ELOA2: variants seen among roughly 807,000 people sequenced by gnomAD.
The protein encoded by ELOA2 is elongin-A2.
For missense variants in ELOA2, 1,271 were observed against 979.7 expected, an observed-to-expected ratio of 1.30 and a Z score of -3.97; for synonymous variants, 497 against 398.8, an observed-to-expected ratio of 1.25 and a Z score of -2.94.
rs1445483392 is a variant in ELOA2 at position 47,035,419 on chromosome 18, C to G, written c.-155G>C. On this transcript the variant is annotated 5_prime_UTR_variant, in exon 1 of 1. Coordinates refer to ENST00000332567, the MANE Select transcript of ELOA2 (RefSeq NM_016427.3). ...CACAGCCTGGAGCGAGCTGGGTCCT[C>G]GGAGCAGCAGGCCACTTGGTCTGGA... 5.5e-6 allele frequency: 8 copies of G among 1,458,680 alleles called. No individual in the cohort carries two copies. The East Asian group carries it at 9.9e-5, about 18-fold the overall frequency. The allele number at this position is 1,458,680 out of a possible 1,614,324, so 90.4% of individuals were successfully genotyped here. A position where few individuals can be genotyped will look rare whatever the true frequency, so the allele number is the denominator to read the frequency against.
chr18:47,035,171 G>A, the ELOA2 span: 7 of 1,612,238 alleles, frequency 4.3e-6, no homozygotes, highest in Non-Finnish European at 5.9e-6. Flanking sequence ...GAGAGTTTCT[G>A]CAAATATTTC....
Position 47,033,717 on chromosome 18 carries a change from C to G in ELOA2, c.1548G>C (p.Ser516=). The change falls in exon 1 of 1, where the codon TCG becomes TCC. Residue 516 remains serine (S), a synonymous_variant. Coordinates refer to ENST00000332567, the MANE Select transcript of ELOA2 (RefSeq NM_016427.3). ...GGAGCTGGCAGGCAGGCCTGGAGCC[C>G]GAGTACACCGGCATCTTAGCATTCA... The part of the protein sequence containing the change: ...RRVNAKMPVY[S]GSRPACQLQV... The G allele has an allele frequency of 1.2e-6, 2 of 1,614,192 alleles. No homozygotes were observed. Among genetic ancestry groups the G allele is most frequent in the Non-Finnish European group, 1.7e-6 (2 of 1,180,032 alleles).
Position 47,033,083 on chromosome 18 carries a change from G to A in ELOA2, c.2182C>T (p.Arg728Trp), listed in dbSNP as rs768643242. 2.5e-6 allele frequency: 4 copies of A among 1,614,100 alleles called. No homozygotes were observed. In the East Asian group the frequency reaches 6.7e-5, roughly 27 times the overall value. Reference protein sequence around the residue: ...NEHAAPAAKTRKQAAKKVAPL... With the variant: ...NEHAAPAAKTWKQAAKKVAPL... Reference sequence around the variant, plus strand: ...GCCACTTTCTTGGCAGCCTGTTTCCGGGTTTTGGCCGCGGGCGCCGCGTGC... The same window carrying A: ...GCCACTTTCTTGGCAGCCTGTTTCCAGGTTTTGGCCGCGGGCGCCGCGTGC... Residue 728 changes from arginine to tryptophan, a missense_variant, in exon 1 of 1, where the codon CGG (arginine) becomes TGG (tryptophan). Physicochemically the swap from Arg to Trp is moderately radical, Grantham distance 101. Coordinates refer to ENST00000332567, the MANE Select transcript of ELOA2 (RefSeq NM_016427.3).
chr18:47,035,336 T>C lies in ELOA2; in HGVS notation c.-72A>G, dbSNP rs1200333365. 1 of 1,605,284 alleles carries C rather than the reference T, an allele frequency of 6.2e-7. No individual in the cohort carries two copies. The highest frequency in any genetic ancestry group is 8.5e-7 in the Non-Finnish European group (1 of 1,175,546). On this transcript the variant is annotated 5_prime_UTR_variant, in exon 1 of 1. Coordinates refer to ENST00000332567, the MANE Select transcript of ELOA2 (RefSeq NM_016427.3). ...GTCTTTGGGGCTGCGGGACAGGAAGTCTGGGGTGGCCGGTCCTCGCTGCCC... is the reference window on the plus strand; with the variant it reads ...GTCTTTGGGGCTGCGGGACAGGAAGCCTGGGGTGGCCGGTCCTCGCTGCCC...
At position 47,034,571 on chromosome 18, in the gene ELOA2, G is replaced by T; in HGVS notation, c.694C>A (p.Gln232Lys). 3.1e-6 allele frequency: 5 copies of T among 1,614,182 alleles called. No individual in the cohort carries two copies. The highest frequency in any genetic ancestry group is 3.4e-6 in the Non-Finnish European group (4 of 1,180,002). ...SHSKGHKSSR[Q>K]EKRPLCAQGD... ...TGGGCACACAAGGGGCGTTTTTCCT[G>T]GCGAGACGATTTGTGCCCCTTGCTG... The change falls in exon 1 of 1, where the codon CAG (glutamine) becomes AAG (lysine). Residue 232 changes from glutamine to lysine, a missense_variant. Transcript: ENST00000332567.
In ELOA2 at chr18:47,035,056, G is replaced by A. The variant is rs776332110; in HGVS notation, c.209C>T (p.Ala70Val). ...GAGCACCAGCTTCTTCCACCGGGCC[G>A]CTAAGTCTCTGGCAAAGTCGCCCAC... ...QHVGDFARDLAARWKKLVLVD... is the reference protein window; with the variant it reads ...QHVGDFARDLVARWKKLVLVD... The change falls in exon 1 of 1, where the codon GCG becomes GTG. Residue 70 changes from alanine to valine, a missense_variant. Ala to Val is a moderately conservative substitution (Grantham distance 64). Transcript: ENST00000332567. 2 of 1,611,816 alleles carry A rather than the reference G, an allele frequency of 1.2e-6. No homozygotes were observed. The highest frequency in any genetic ancestry group is 1.1e-5 in the South Asian group (1 of 90,964).
rs369463598 is a variant in ELOA2 at position 47,035,244 on chromosome 18, C to G, written c.21G>C (p.Thr7=). Residue 7 remains threonine, a synonymous_variant, in exon 1 of 1, where the codon ACG becomes ACC. Coordinates refer to ENST00000332567, the MANE Select transcript of ELOA2 (RefSeq NM_016427.3). ...CCTGCAGCTTCTCCACTGCGTGCAGCGTAGTGGACCCTGCCGCCATCTCAC... is the reference window on the plus strand; with the variant it reads ...CCTGCAGCTTCTCCACTGCGTGCAGGGTAGTGGACCCTGCCGCCATCTCAC... MAAGST[T]LHAVEKLQVR... 1.2e-5 allele frequency: 19 copies of G among 1,612,802 alleles called. No individual in the cohort carries two copies. Among genetic ancestry groups the G allele is most frequent in the Non-Finnish European group, 1.5e-5 (18 of 1,179,858 alleles).
Position 47,033,265 on chromosome 18 carries a change from G to T in ELOA2, c.2000C>A (p.Pro667His). The change falls in exon 1 of 1, where the codon CCC (proline) becomes CAC (histidine). Residue 667 changes from proline (P) to histidine (H), a missense_variant. Pro to His is a moderately conservative substitution (Grantham distance 77). Transcript: ENST00000332567. ...RQEKSAGDAD[P>H]ENGEIKPASK... is the part of the protein sequence containing the mutation. Reference sequence around the variant, plus strand: ...GGCTGGCTTGATCTCCCCATTTTCGGGGTCAGCGTCTCCTGCAGACTTCTC... The same window carrying T: ...GGCTGGCTTGATCTCCCCATTTTCGTGGTCAGCGTCTCCTGCAGACTTCTC... 6.2e-7 allele frequency: 1 copy of T among 1,613,540 alleles called. No individual in the cohort carries two copies. The highest frequency in any genetic ancestry group is 1.3e-5 in the African/African-American group (1 of 75,020).
rs372255211 is a variant in ELOA2, at chr18:47,034,239, G to T, written c.1026C>A (p.Asn342Lys). ...GCTTCCCCTCTTGAGTCTCTCGGTC[G>T]TTGGAAAGCTGCTCTTTCTCCTCGG... ...LSPEEKEQLSNDRETQEGKPP... is the reference protein window; with the variant it reads ...LSPEEKEQLSKDRETQEGKPP... Residue 342 changes from asparagine to lysine, a missense_variant, in exon 1 of 1, where the codon AAC (asparagine) becomes AAA (lysine). Transcript: ENST00000332567. The T allele has an allele frequency of 6.2e-7, 1 of 1,613,752 alleles. No homozygotes were observed. Among genetic ancestry groups the T allele is most frequent in the Non-Finnish European group, 8.5e-7 (1 of 1,179,774 alleles).
Position 47,035,276 on chromosome 18 carries a change from T to C in ELOA2, c.-12A>G, listed in dbSNP as rs1304834610. On this transcript the variant is annotated 5_prime_UTR_variant, in exon 1 of 1. Transcript: ENST00000332567. ...GACCCTGCCGCCATCTCACCAGAGC[T>C]GTGCAGGCGTCGCTGTCCCGGCGGT... The C allele has an allele frequency of 6.2e-7, 1 of 1,612,470 alleles. No homozygotes were observed. Among genetic ancestry groups the C allele is most frequent in the Non-Finnish European group, 8.5e-7 (1 of 1,179,840 alleles).
chr18:47,033,473 G>T lies in ELOA2; in HGVS notation c.1792C>A (p.Pro598Thr). 1.2e-6 allele frequency: 2 copies of T among 1,614,152 alleles called. No individual in the cohort carries two copies. Among genetic ancestry groups the T allele is most frequent in the Non-Finnish European group, 1.7e-6 (2 of 1,180,034 alleles). Reference protein sequence around the residue: ...HCFQDFKEEKPQENKTWREQY... With the variant: ...HCFQDFKEEKTQENKTWREQY... Reference sequence around the variant, plus strand: ...TCCCTCCAAGTTTTGTTTTCCTGTGGCTTTTCTTCCTTGAAGTCCTGGAAA... The same window carrying T: ...TCCCTCCAAGTTTTGTTTTCCTGTGTCTTTTCTTCCTTGAAGTCCTGGAAA... Residue 598 changes from proline (P) to threonine (T), a missense_variant, in exon 1 of 1, where the codon CCA becomes ACA. Transcript: ENST00000332567.
chr18:47,034,423 G>A lies in ELOA2; in HGVS notation c.842C>T (p.Thr281Ile), dbSNP rs748271311. ...ARDRQPSDFK[T>I]DKEGGQAGSG... is the part of the protein sequence containing the mutation. ...GCCAGCTTGCCCCCCTTCCTTGTCTGTCTTGAAGTCCGAAGGCTGCCTGTC... is the reference window on the plus strand; with the variant it reads ...GCCAGCTTGCCCCCCTTCCTTGTCTATCTTGAAGTCCGAAGGCTGCCTGTC... Residue 281 changes from threonine (T) to isoleucine (I), a missense_variant, in exon 1 of 1, where the codon ACA (threonine) becomes ATA (isoleucine). By Grantham distance (89) the Thr-to-Ile change is moderately conservative. Transcript: ENST00000332567. 11 of 1,614,094 alleles carry A rather than the reference G, an allele frequency of 6.8e-6. No homozygotes were observed. The Admixed American group carries it at 1.7e-4, about 24-fold the overall frequency.
At position 47,035,248 on chromosome 18, in the gene ELOA2, G is replaced by A. The variant is rs61738602; in HGVS notation, c.17C>T (p.Thr6Ile). MAAGS[T>I]TLHAVEKLQV... ...CAGCTTCTCCACTGCGTGCAGCGTA[G>A]TGGACCCTGCCGCCATCTCACCAGA... is the stretch of plus-strand genomic sequence containing the variant. Residue 6 changes from threonine (T) to isoleucine (I), a missense_variant, in exon 1 of 1, where the codon ACT (threonine) becomes ATT (isoleucine). Physicochemically the swap from Thr to Ile is moderately conservative, Grantham distance 89. Transcript: ENST00000332567. 1.2e-6 allele frequency: 2 copies of A among 1,612,744 alleles called. No homozygotes were observed. Among genetic ancestry groups the A allele is most frequent in the Non-Finnish European group, 1.7e-6 (2 of 1,179,816 alleles).
Position 47,034,026 on chromosome 18 carries a change from T to C in ELOA2, c.1239A>G (p.Lys413=). Residue 413 remains lysine (K), a synonymous_variant, in exon 1 of 1, where the codon AAA becomes AAG. Transcript: ENST00000332567. ...ATTALGDKQR[K]ANESKGTRES... ...CACGAGTGCCCTTGGATTCGTTTGC[T>C]TTCCTTTGTTTATCTCCAAGTGCAG... The C allele has an allele frequency of 1.2e-6, 2 of 1,614,202 alleles. No individual in the cohort carries two copies. The highest frequency in any genetic ancestry group is 1.7e-6 in the Non-Finnish European group (2 of 1,180,038).
rs2060709168 is a variant in ELOA2, at chr18:47,035,177, A to G, written c.88T>C (p.Tyr30His). ...TKTEPKKLEKYLQKLSALPMT... is the reference protein window; with the variant it reads ...TKTEPKKLEKHLQKLSALPMT... ...GGCAAGGCGGAGAGTTTCTGCAAAT[A>G]TTTCTCTAGCTTTTTCGGCTCCGTC... Residue 30 changes from tyrosine to histidine, a missense_variant, in exon 1 of 1, where the codon TAT (tyrosine) becomes CAT (histidine). Tyr to His is a moderately conservative substitution (Grantham distance 83). Coordinates refer to ENST00000332567, the MANE Select transcript of ELOA2 (RefSeq NM_016427.3). 6 of 1,611,946 alleles carry G rather than the reference A, an allele frequency of 3.7e-6. No individual in the cohort carries two copies. The East Asian group carries it at 1.3e-4, about 36-fold the overall frequency.
At position 47,033,483 on chromosome 18, in the gene ELOA2, C is replaced by A. The variant is rs766504864; in HGVS notation, c.1782G>T (p.Lys594Asn). 3.1e-6 allele frequency: 5 copies of A among 1,614,186 alleles called. No homozygotes were observed. The Admixed American group carries it at 8.3e-5, about 27-fold the overall frequency. The change falls in exon 1 of 1, where the codon AAG becomes AAT. Residue 594 changes from lysine (K) to asparagine (N), a missense_variant. By Grantham distance (94) the Lys-to-Asn change is moderately conservative. Transcript: ENST00000332567. The part of the protein sequence containing the change: ...LRRNHCFQDF[K>N]EEKPQENKTW... ...TTTTGTTTTCCTGTGGCTTTTCTTC[C>A]TTGAAGTCCTGGAAACAATGATTCC...
rs959822628 is a variant in ELOA2, at chr18:47,032,922, G to T, written c.*81C>A. On this transcript the variant is annotated 3_prime_UTR_variant, in exon 1 of 1. Transcript: ENST00000332567. ...CAAGTTAAAGGTTCTGGTGTCCATTGGAAGTTTCGTTCCCCAACCCGCATT... is the reference window on the plus strand; with the variant it reads ...CAAGTTAAAGGTTCTGGTGTCCATTTGAAGTTTCGTTCCCCAACCCGCATT... The T allele has an allele frequency of 9.9e-6, 16 of 1,609,172 alleles. No individual in the cohort carries two copies. The African/African-American group carries it at 2.0e-4, about 20-fold the overall frequency.
rs747669092 is a variant in ELOA2, at chr18:47,033,917, C to G, written c.1348G>C (p.Gly450Arg). 1 of 1,613,068 alleles carries G rather than the reference C, an allele frequency of 6.2e-7. No individual in the cohort carries two copies. The highest frequency in any genetic ancestry group is 1.1e-5 in the South Asian group (1 of 91,022). Residue 450 changes from glycine to arginine, a missense_variant, in exon 1 of 1, where the codon GGG becomes CGG. Transcript: ENST00000332567. ...ACATGGCTGGGCACCGTTTTCGGCC[C>G]GGCGGAATCAGCGCCGGCCGCCTGC... ...RLQAAGADSA[G>R]PKTVPSHVFS...
rs781451690 is a variant in ELOA2 at position 47,033,800 on chromosome 18, G to A, written c.1465C>T (p.Pro489Ser). 5 of 1,614,198 alleles carry A rather than the reference G, an allele frequency of 3.1e-6. No individual in the cohort carries two copies. The highest frequency in any genetic ancestry group is 4.2e-6 in the Non-Finnish European group (5 of 1,180,052). Reference protein sequence around the residue: ...DSDSMTSQAKPEALSSPKFRE... With the variant: ...DSDSMTSQAKSEALSSPKFRE... ...AACTTTGGTGAAGAGAGTGCTTCTG[G>A]CTTTGCCTGGGAGGTCATGGAGTCA... The change falls in exon 1 of 1, where the codon CCA becomes TCA. Residue 489 changes from proline to serine, a missense_variant. Coordinates refer to ENST00000332567, the MANE Select transcript of ELOA2 (RefSeq NM_016427.3).
Sources: allele counts gnomAD v4.1 joint callset, GRCh38; gene constraint gnomAD v4.1.1; transcripts MANE v1.5; gene names NCBI Gene and HGNC (gene_info 2026-07-23, HGNC 2026-07-21).